Variants in CD82 observed in about 807,000 individuals in gnomAD.
CD82 encodes the protein CD82 molecule.
In CD82, 36 loss-of-function variants were observed where a neutral mutation model predicts 37.4. That is an observed-to-expected ratio of 0.96 (90% CI 0.74 to 1.27). CD82 has a LOEUF of 1.27. Among genes scored for constraint, CD82 ranks in the 50% most tolerant of loss-of-function variants. The pLI, the probability that CD82 is intolerant of heterozygous loss-of-function variation, is 0.00. For synonymous variants in CD82, 158 were observed against 137.4 expected, an observed-to-expected ratio of 1.15 and a Z score of -1.05; for missense variants, 340 against 347.0, an observed-to-expected ratio of 0.98 and a Z score of 0.16.
rs1455525680 is a variant in CD82, at chr11:44,619,816, G to T, written c.*690G>T. 6.6e-6 allele frequency: 1 copy of T among 151,052 alleles called. No homozygotes were observed. The highest frequency in any genetic ancestry group is 2.4e-5 in the African/African-American group (1 of 41,086). 9.4% of individuals were successfully genotyped at this position (151,052 alleles called of 1,614,324 possible). ...TGGGGAGGGAAGGGCGTTAGATAAG[G>T]CACTCTGGGCTGTCAGGAGACTGCC... On this transcript the variant is annotated 3_prime_UTR_variant, in exon 10 of 10. Coordinates refer to ENST00000227155, the MANE Select transcript of CD82 (RefSeq NM_002231.4).
In CD82 at chr11:44,605,064, C is replaced by T. The variant is rs752840514; in HGVS notation, c.143C>T (p.Ser48Phe). The T allele has an allele frequency of 6.2e-7, 1 of 1,614,220 alleles. No homozygotes were observed. Among genetic ancestry groups the T allele is most frequent in the Non-Finnish European group, 8.5e-7 (1 of 1,180,038 alleles). The change falls in exon 5 of 10, where the codon TCC (serine) becomes TTC (phenylalanine). Residue 48 changes from serine (S) to phenylalanine (F), a missense_variant. Coordinates refer to ENST00000227155, the MANE Select transcript of CD82 (RefSeq NM_002231.4). ...TACTTCTTCTTCCCCCTAGAAACCT[C>T]CTCCAGCTCGCTTAGGATGGGGGCC... ...KSSFISVLQT[S>F]SSSLRMGAYV...
At chr11:44,592,000 G>A (rs1292650893) in intron 2 of CD82, among the ~76,000 whole-genome samples, 2 of 152,020 alleles carry the variant, frequency 1.3e-5, no homozygotes, top group Non-Finnish European at 2.9e-5. Flanking sequence ...TGTATTTTTA[G>A]TAGAGATGGG....
chr11:44,617,560 G>GAAAAAAAAAAAAAAAA (rs35015542), intron 7 of CD82, among the ~76,000 whole-genome samples: 1 of 88,656 alleles, frequency 1.1e-5, no homozygotes, highest in Non-Finnish European at 2.1e-5. Flanking sequence ...CTCTGTCTCA[G>GAAAAAAAAAAAAAAAA]AAAAAAAAAA....
At chr11:44,612,365 G>A (rs1194488431) in intron 6 of CD82, among the ~76,000 whole-genome samples, 2 of 152,122 alleles carry the variant, frequency 1.3e-5, no homozygotes, top group Non-Finnish European at 2.9e-5. Flanking sequence ...GGAATGGGGT[G>A]AATACCTAGG....
chr11:44,619,360 T>C lies in CD82; in HGVS notation c.*234T>C, dbSNP rs555408480. The C allele has an allele frequency of 1.1e-5, 6 of 526,762 alleles. No homozygotes were observed. The Admixed American group carries it at 2.0e-4, about 17-fold the overall frequency. 32.6% of individuals were successfully genotyped at this position (526,762 alleles called of 1,614,324 possible). On this transcript the variant is annotated 3_prime_UTR_variant, in exon 10 of 10. Coordinates refer to ENST00000227155, the MANE Select transcript of CD82 (RefSeq NM_002231.4). The stretch of plus-strand genomic sequence containing the variant: ...TGCTCACCGCCCATCAGGGTTCTCT[T>C]AGCAACTCAGAGAAAAATGCTCCCC...
intron 1 of CD82, among the ~76,000 whole-genome samples, chr11:44,576,872 A>G (rs1257811121): frequency 6.6e-6 from 1 of 152,168 alleles, no homozygotes; most frequent in Non-Finnish European, 1.5e-5. Context: ...GGAGTTGCCC[A>G]GGATCCCGTG....
At chr11:44,601,914 G>A (rs1853314933) in intron 4 of CD82, among the ~76,000 whole-genome samples, 1 of 152,152 alleles carries the variant, frequency 6.6e-6, no homozygotes, top group African/African-American at 2.4e-5. Flanking sequence ...GAGGCCGGGG[G>A]TGGGGAAAAA....
chr11:44,594,931 T>A (rs1266842898), intron 3 of CD82: 8 of 586,528 alleles, frequency 1.4e-5, no homozygotes, highest in Non-Finnish European at 2.5e-5. Flanking sequence ...GACCAAGCAC[T>A]GGATTCCTGA....
chr11:44,564,412 C>T (rs745677963), upstream of CD82: 1 of 454,750 alleles, frequency 2.2e-6, no homozygotes, highest in Non-Finnish European at 4.4e-6. Flanking sequence ...TCATACCCTC[C>T]CACAACGGTG....
rs1458801753 is a variant in CD82 at position 44,618,306 on chromosome 11, G to T, written c.583G>T (p.Ala195Ser). The T allele has an allele frequency of 1.2e-5, 19 of 1,613,884 alleles. No homozygotes were observed. Among genetic ancestry groups the T allele is most frequent in the Non-Finnish European group, 1.6e-5 (19 of 1,180,030 alleles). ...SLSVRKGFCE[A>S]PGNRTQSGNH... is the part of the protein sequence containing the mutation. Reference sequence around the variant, plus strand: ...TTCTGTGAGGAAGGGCTTCTGCGAGGCCCCCGGCAACAGGACCCAGAGTGG... The same window carrying T: ...TTCTGTGAGGAAGGGCTTCTGCGAGTCCCCCGGCAACAGGACCCAGAGTGG... Residue 195 changes from alanine (A) to serine (S), a missense_variant, in exon 8 of 10, where the codon GCC becomes TCC. Physicochemically the swap from Ala to Ser is moderately conservative, Grantham distance 99. Coordinates refer to ENST00000227155, the MANE Select transcript of CD82 (RefSeq NM_002231.4).
intron 7 of CD82, 36 bp downstream of exon 7, chr11:44,615,409 C>CATT: frequency 1.6e-6 from 2 of 1,279,286 alleles, no homozygotes; most frequent in South Asian, 2.4e-5. Context: ...GCTCTCTGGC[C>CATT]TGGGTGTCCC....
intron 2 of CD82, among the ~76,000 whole-genome samples, chr11:44,592,251 T>C (rs1227099212): frequency 6.6e-6 from 1 of 152,206 alleles, no homozygotes; most frequent in Admixed American, 6.5e-5. Context: ...TGGATCTGAC[T>C]CAGGGTTGCC....
At chr11:44,617,535 G>A (rs1342208304) in intron 7 of CD82, among the ~76,000 whole-genome samples, 2 of 148,638 alleles carry the variant, frequency 1.3e-5, no homozygotes, top group East Asian at 2.0e-4. Flanking sequence ...CTCCAGCCTG[G>A]GTGACTGAGC....
rs77589675 is a variant in CD82 at position 44,615,890 on chromosome 11, T to C, written c.438+517T>C. ...CCCATTAGTTCATGTGTATTATACC[T>C]CCATTAAAGTGAGAGAGATGGATGG... On this transcript the variant is annotated intron_variant, in intron 7 of 9. Coordinates refer to ENST00000227155, the MANE Select transcript of CD82 (RefSeq NM_002231.4). 3.1e-3 allele frequency among the ~76,000 whole-genome samples: 477 copies of C among 152,288 alleles called. 7 individuals are homozygous for C. The East Asian group carries it at 0.043, about 14-fold the overall frequency.
At chr11:44,588,265 C>A (rs1853089457) in intron 2 of CD82, among the ~76,000 whole-genome samples, 1 of 151,422 alleles carries the variant, frequency 6.6e-6, no homozygotes, top group Admixed American at 6.6e-5. Flanking sequence ...ACTCTGTCAC[C>A]CAGGCTGGAG....
chr11:44,607,829 G>A (rs1312180435), intron 6 of CD82, among the ~76,000 whole-genome samples: 2 of 152,170 alleles, frequency 1.3e-5, no homozygotes, highest in African/African-American at 4.8e-5. Flanking sequence ...CCCGCCGGCT[G>A]GGTAACTCTG....
At chr11:44,584,772 G>A (rs916099453) in intron 1 of CD82, among the ~76,000 whole-genome samples, 1 of 152,138 alleles carries the variant, frequency 6.6e-6, no homozygotes, top group Admixed American at 6.5e-5. Context: ...CCTGGTCCTG[G>A]TGTCAGCAGG....
intron 2 of CD82, chr11:44,587,998 A>G (rs1853081922): frequency 4.5e-6 from 1 of 224,156 alleles, no homozygotes. Context: ...CCAGTCTTTC[A>G]TGCAGCAATA....
In CD82 at chr11:44,619,120, G is replaced by A. The variant is rs1853617639; in HGVS notation, c.798G>A (p.Lys266=). Residue 266 remains lysine (K), a synonymous_variant, in exon 10 of 10, where the codon AAG becomes AAA. Coordinates refer to ENST00000227155, the MANE Select transcript of CD82 (RefSeq NM_002231.4). The part of the protein sequence containing the change: ...VHSEDYSKVP[K]Y ...CCGAAGACTACAGCAAGGTCCCCAAGTACTGAGGCAGCTGCTATCCCCATC... is the reference window on the plus strand; with the variant it reads ...CCGAAGACTACAGCAAGGTCCCCAAATACTGAGGCAGCTGCTATCCCCATC... The A allele has an allele frequency of 6.2e-7, 1 of 1,613,344 alleles. No homozygotes were observed. Among genetic ancestry groups the A allele is most frequent in the Non-Finnish European group, 8.5e-7 (1 of 1,179,526 alleles).
Sources: gnomAD v4.1 joint callset for allele counts (sites outside exome capture counted in the v4.1 genomes callset) on GRCh38, gnomAD v4.1.1 for gene constraint, MANE v1.5 for transcripts, NCBI Gene and HGNC (gene_info 2026-07-23, HGNC 2026-07-21) for gene names.